SPTB: variants seen among roughly 807,000 people sequenced by gnomAD.
SPTB encodes spectrin beta, erythrocytic.
A neutral mutation model predicts 256.2 loss-of-function variants in SPTB; 45 were observed. The ratio of observed to expected loss-of-function variants is 0.18; its 90% CI spans 0.14 to 0.23. SPTB has a LOEUF of 0.23. SPTB is among the 10% of genes least tolerant of loss of function. SPTB has a pLI of 1.00. For missense variants in SPTB, 2,715 were observed against 3,040.4 expected (o/e 0.89, Z 2.52); for synonymous variants, 1,231 against 1,243.1 (o/e 0.99, Z 0.21).
chr14:64,797,608 T>A, intron 10 of SPTB, 121 bp downstream of exon 10: 1 of 856,882 alleles, frequency 1.2e-6, no homozygotes, highest in Non-Finnish European at 2.0e-6. Flanking sequence ...ATAGTCAACA[T>A]GTGGATTAAT....
chr14:64,776,141 A>G (rs2082352649), intron 22 of SPTB, among the ~76,000 whole-genome samples: 1 of 152,142 alleles, frequency 6.6e-6, no homozygotes, highest in African/African-American at 2.4e-5. Flanking sequence ...CCTGAGCTCC[A>G]TATACCTCAC....
Position 64,772,463 on chromosome 14 carries a change from G to T in SPTB, c.5553+117C>A. 7.1e-7 allele frequency: 1 copy of T among 1,416,784 alleles called. No individual in the cohort carries two copies. The highest frequency in any genetic ancestry group is 9.5e-7 in the Non-Finnish European group (1 of 1,054,042). The allele number at this position is 1,416,784 out of a possible 1,614,324, so 87.8% of individuals were successfully genotyped here. On this transcript the variant is annotated intron_variant, in intron 26 of 35. Coordinates refer to ENST00000644917, the MANE Select transcript of SPTB (RefSeq NM_001355436.2). The surrounding 1 kb of genome is among the most constrained non-coding windows in gnomAD (Gnocchi z 5.4). ...CAGCCCTGAGCTCCTGGCTGTCTAA[G>T]GAGGCAAAACCTCCTGGCACTTATC...
At chr14:64,750,181 C>T (rs2081923133) in intron 33 of SPTB, 27 bp from the exon 34 acceptor site, 1 of 1,606,728 alleles carries the variant, frequency 6.2e-7, no homozygotes, top group Non-Finnish European at 8.5e-7. Context: ...AGGCAGGTCA[C>T]CCACATCCTG....
At position 64,770,913 on chromosome 14, in the gene SPTB, G is replaced by T; in HGVS notation, c.5770C>A (p.Arg1924=). Residue 1924 remains arginine (R), a synonymous_variant, in exon 27 of 36, where the codon CGG becomes AGG. Transcript: ENST00000644917. Reference sequence around the variant, plus strand: ...GGCCTCTCCTGGGTCTCGATCTGCCGGATGATGCTCTCCATCCAGGAGAGG... The same window carrying T: ...GGCCTCTCCTGGGTCTCGATCTGCCTGATGATGCTCTCCATCCAGGAGAGG... ...DLLSWMESII[R]QIETQERPRD... 1 of 1,614,110 alleles carries T rather than the reference G, an allele frequency of 6.2e-7. No homozygotes were observed. The highest frequency in any genetic ancestry group is 8.5e-7 in the Non-Finnish European group (1 of 1,180,032).
chr14:64,806,338 G>A lies in SPTB; in HGVS notation c.149-1248C>T, dbSNP rs546468746. Among the ~76,000 whole-genome samples the A allele has an allele frequency of 6.0e-4, 91 of 152,292 alleles. No homozygotes were observed. The highest frequency in any genetic ancestry group is 2.1e-3 in the African/African-American group (87 of 41,560). On this transcript the variant is annotated intron_variant, in intron 2 of 35. Coordinates refer to ENST00000644917, the MANE Select transcript of SPTB (RefSeq NM_001355436.2). The surrounding 1 kb of genome is among the most constrained non-coding windows in gnomAD (Gnocchi z 4.1). Reference sequence around the variant, plus strand: ...GGAGGTGACTTGGCAGTGAGGCTGGGCCTGAGGGTTGTGGAGGATCCCTGG... The same window carrying A: ...GGAGGTGACTTGGCAGTGAGGCTGGACCTGAGGGTTGTGGAGGATCCCTGG...
intron 1 of SPTB, among the ~76,000 whole-genome samples, chr14:64,867,951 G>A (rs933336638): frequency 9.2e-5 from 14 of 152,000 alleles, no homozygotes; most frequent in Admixed American, 4.6e-4. Flanking sequence ...CAAAGTCATG[G>A]AGGCAGGAAA....
rs971849645 is a variant in SPTB at position 64,827,535 on chromosome 14, A to G, written c.-51-4390T>C. Among the ~76,000 whole-genome samples the G allele has an allele frequency of 6.6e-6, 1 of 152,176 alleles. No individual in the cohort carries two copies. Among genetic ancestry groups the G allele is most frequent in the African/African-American group, 2.4e-5 (1 of 41,428 alleles). ...TGTGGCAACCCGGTCAGGAGATTAA[A>G]TCCTGAAGTTTCTCTGGTAATTTTT... On this transcript the variant is annotated intron_variant, in intron 1 of 35. Coordinates refer to ENST00000644917, the MANE Select transcript of SPTB (RefSeq NM_001355436.2). This position sits in a 1 kb window ranked among gnomAD's most constrained non-coding sequence, Gnocchi z 4.6.
At chr14:64,865,897 C>A (rs1030852179) in intron 1 of SPTB, among the ~76,000 whole-genome samples, 1 of 152,164 alleles carries the variant, frequency 6.6e-6, no homozygotes, top group African/African-American at 2.4e-5. Context: ...AACCCTCCTG[C>A]GTCAAGTTTA....
intron 20 of SPTB, among the ~76,000 whole-genome samples, chr14:64,781,887 A>G (rs2082478195): frequency 1.3e-5 from 2 of 152,246 alleles, no homozygotes; most frequent in South Asian, 4.1e-4. Context: ...ACAGCCATAA[A>G]AAAAGAACGA....
rs759577194 is a variant in SPTB, at chr14:64,793,596, C to T, written c.2067G>A (p.Leu689=). 2 of 1,614,190 alleles carry T rather than the reference C, an allele frequency of 1.2e-6. No individual in the cohort carries two copies. The highest frequency in any genetic ancestry group is 2.2e-5 in the East Asian group (1 of 44,882). The change falls in exon 14 of 36, where the codon CTG becomes CTA. Residue 689 remains leucine (L), a synonymous_variant. Transcript: ENST00000644917. This position sits in a 1 kb window ranked among gnomAD's most constrained non-coding sequence, Gnocchi z 7.0. The part of the protein sequence containing the change: ...HKAFEDELRG[L]DAHLEQIFQE... ...GGAAGATCTGCTCCAGGTGAGCATC[C>T]AGCCCACGGAGCTCATCCTCAAAGG...
chr14:64,779,591 C>G lies in SPTB; in HGVS notation c.4473+134G>C, dbSNP rs114283626. Reference sequence around the variant, plus strand: ...AGCTTTCCATTTAATGTAATCCTCACAAGAACCCTATGAGATAAGGGGTGA... The same window carrying G: ...AGCTTTCCATTTAATGTAATCCTCAGAAGAACCCTATGAGATAAGGGGTGA... On this transcript the variant is annotated intron_variant, in intron 21 of 35. Transcript: ENST00000644917. This position sits in a 1 kb window ranked among gnomAD's most constrained non-coding sequence, Gnocchi z 4.2. The G allele has an allele frequency of 1.1e-6, 1 of 927,264 alleles. No individual in the cohort carries two copies. The highest frequency in any genetic ancestry group is 1.6e-5 in the African/African-American group (1 of 61,826). The allele number at this position is 927,264 out of a possible 1,614,324, so 57.4% of individuals were successfully genotyped here.
At chr14:64,765,041 T>TGTGTGTGTGTGTGTGTGTGCGC (rs570414192) in intron 32 of SPTB, among the ~76,000 whole-genome samples, 3 of 117,002 alleles carry the variant, frequency 2.6e-5, no homozygotes, top group African/African-American at 3.4e-5. Context: ...TGTGTGTGTG[T>TGTGTGTGTGTGTGTGTGTGCGC]GCGCGCGCGC....
At chr14:64,876,089 G>A (rs77614473) in intron 1 of SPTB, among the ~76,000 whole-genome samples, 4,805 of 152,068 alleles carry the variant, frequency 0.032, 252 homozygotes, top group African/African-American at 0.11. Flanking sequence ...CTTAGCCTCC[G>A]AAGTAACTGG....
At chr14:64,861,561 C>T (rs1226629087) in intron 1 of SPTB, among the ~76,000 whole-genome samples, 1 of 152,212 alleles carries the variant, frequency 6.6e-6, no homozygotes, top group East Asian at 1.9e-4. Context: ...CATCTACCAA[C>T]CCTTTCTCCA....
chr14:64,750,216 C>T, intron 33 of SPTB, 62 bp from the exon 34 acceptor site: 10 of 1,539,922 alleles, frequency 6.5e-6, no homozygotes, highest in South Asian at 1.2e-5. Flanking sequence ...GAGTCAATTC[C>T]TATAGCTTCA....
At position 64,749,559 on chromosome 14, in the gene SPTB, A is replaced by G. The variant is rs1594731344; in HGVS notation, c.6820-86T>C. On this transcript the variant is annotated intron_variant, in intron 35 of 35. Transcript: ENST00000644917. The surrounding 1 kb of genome is among the most constrained non-coding windows in gnomAD (Gnocchi z 4.7). ...GGCAACAATGGTGGGGGCTCTTGGG[A>G]CTGCCCCTTCTGAGGGGGCCTCCAG... 1 of 1,604,190 alleles carries G rather than the reference A, an allele frequency of 6.2e-7. No homozygotes were observed. Among genetic ancestry groups the G allele is most frequent in the South Asian group, 1.1e-5 (1 of 90,830 alleles).
chr14:64,860,964 A>G (rs1271047943), intron 1 of SPTB, among the ~76,000 whole-genome samples: 1 of 152,246 alleles, frequency 6.6e-6, no homozygotes, highest in Non-Finnish European at 1.5e-5. Flanking sequence ...ACATGGAACC[A>G]ACCCAAATGC....
rs1370384792 is a variant in SPTB at position 64,758,053 on chromosome 14, T to C, written c.6346-4260A>G. Reference sequence around the variant, plus strand: ...ACCTTCCTGACTCAGTTAGTGGGAGTGAGCCCATGACCTACTTCACAGGTG... The same window carrying C: ...ACCTTCCTGACTCAGTTAGTGGGAGCGAGCCCATGACCTACTTCACAGGTG... On this transcript the variant is annotated intron_variant, in intron 32 of 35. Transcript: ENST00000644917. The surrounding 1 kb of genome is among the most constrained non-coding windows in gnomAD (Gnocchi z 4.6). 6.6e-6 allele frequency among the ~76,000 whole-genome samples: 1 copy of C among 152,070 alleles called. No individual in the cohort carries two copies. The highest frequency in any genetic ancestry group is 1.5e-5 in the Non-Finnish European group (1 of 68,008).
At chr14:64,815,758 C>T (rs974428147) in intron 2 of SPTB, among the ~76,000 whole-genome samples, 2 of 152,150 alleles carry the variant, frequency 1.3e-5, no homozygotes, top group Admixed American at 1.3e-4. Flanking sequence ...CTACATGGTT[C>T]AGGGTAAAGA....
Sources: allele counts gnomAD v4.1 joint callset (sites outside exome capture counted in the v4.1 genomes callset), GRCh38; gene constraint gnomAD v4.1.1; non-coding constraint Gnocchi (gnomAD v3.1); transcripts MANE v1.5; gene names NCBI Gene and HGNC (gene_info 2026-07-23, HGNC 2026-07-21).